Variants in TUSC3 observed in about 807,000 individuals in gnomAD.
TUSC3 encodes dolichyl-diphosphooligosaccharide--protein glycosyltransferase subunit TUSC3.
In TUSC3, 45 loss-of-function variants were observed where a neutral mutation model predicts 44.8. The ratio of observed to expected loss-of-function variants is 1.00; its 90% CI spans 0.79 to 1.29. The LOEUF (loss-of-function observed/expected upper bound fraction) is 1.29. Among genes scored for constraint, TUSC3 ranks in the 50% most tolerant of loss-of-function variants. The pLI is 0.00. For missense variants in TUSC3, 519 were observed against 437.9 expected (o/e 1.19, Z -1.65); for synonymous variants, 212 against 152.9 (o/e 1.39, Z -2.85).
chr8:15,636,873 G>T (rs35288255), intron 2 of TUSC3, among the ~76,000 whole-genome samples: 49,451 of 152,088 alleles, frequency 0.33, 8,817 homozygotes, highest in Non-Finnish European at 0.39. Context: ...GAAATTGAGT[G>T]TTTGTAGTCT....
intron 2 of TUSC3, among the ~76,000 whole-genome samples, chr8:15,513,022 G>T (rs1801163648): frequency 6.9e-6 from 1 of 145,496 alleles, no homozygotes; most frequent in African/African-American, 2.6e-5. Flanking sequence ...CAGATTGCAT[G>T]CTGCACGTTT....
At chr8:15,437,606 T>A (rs1585788735) in intron 1 of TUSC3, among the ~76,000 whole-genome samples, 1 of 152,220 alleles carries the variant, frequency 6.6e-6, no homozygotes, top group South Asian at 2.1e-4. Flanking sequence ...AATCATCTCC[T>A]ATTAAGATCT....
At chr8:15,656,028 C>T (rs775751823) in intron 3 of TUSC3, among the ~76,000 whole-genome samples, 15 of 152,104 alleles carry the variant, frequency 9.9e-5, no homozygotes, top group Non-Finnish European at 1.9e-4. Context: ...TGTTCTGCTA[C>T]AACAGAATAC....
At chr8:15,730,610 A>C (rs1380684475) in intron 6 of TUSC3, 56 bp from the exon 7 acceptor site, 2 of 1,562,546 alleles carry the variant, frequency 1.3e-6, no homozygotes, top group Non-Finnish European at 1.8e-6. Flanking sequence ...ACTTAAAACT[A>C]CAAAATAATT....
chr8:15,598,918 T>C (rs1804172188), intron 1 of TUSC3, among the ~76,000 whole-genome samples: 2 of 151,832 alleles, frequency 1.3e-5, no homozygotes, highest in Admixed American at 1.3e-4. Flanking sequence ...TACAGGTTTT[T>C]GTGTGGACCT....
At chr8:15,597,270 C>T (rs1563125591) in intron 1 of TUSC3, among the ~76,000 whole-genome samples, 1 of 151,992 alleles carries the variant, frequency 6.6e-6, no homozygotes, top group African/African-American at 2.4e-5. Flanking sequence ...ATTTTGAAGC[C>T]TGTGGCCCTT....
intron 1 of TUSC3, among the ~76,000 whole-genome samples, chr8:15,420,776 T>C (rs6981134): frequency 0.18 from 27,632 of 151,996 alleles, 2,723 homozygotes; most frequent in Middle Eastern, 0.27. Context: ...TCTTCAGTGA[T>C]GCACTTTCTT....
chr8:15,447,103 T>C (rs1283893866), intron 1 of TUSC3, among the ~76,000 whole-genome samples: 2 of 151,288 alleles, frequency 1.3e-5, no homozygotes, highest in Non-Finnish European at 2.9e-5. Flanking sequence ...GATGACAATA[T>C]AGGATGTTCA....
At chr8:15,427,617 G>C in intron 1 of TUSC3, among the ~76,000 whole-genome samples, 1 of 152,150 alleles carries the variant, frequency 6.6e-6, no homozygotes, top group East Asian at 1.9e-4. Flanking sequence ...TTTCATTCCC[G>C]CTGTAAAGAT....
In TUSC3 at chr8:15,733,997, TCA is replaced by T. The variant is rs764487957; in HGVS notation, c.862+3274_862+3275del. On this transcript the variant is annotated intron_variant, in intron 7 of 10. Coordinates refer to ENST00000503731, the MANE Select transcript of TUSC3 (RefSeq NM_006765.4). The stretch of plus-strand genomic sequence containing the variant: ...AGGTCAAGGCTGCAGTGAGCTGTGC[TCA>T]CACACTACACTTGAATCTGGGCGAT... 1.1e-3 allele frequency among the ~76,000 whole-genome samples: 167 copies of T among 152,286 alleles called. 1 individual carries two copies. The highest frequency in any genetic ancestry group is 1.8e-3 in the Non-Finnish European group (122 of 68,010).
intron 1 of TUSC3, among the ~76,000 whole-genome samples, chr8:15,446,274 C>G (rs1353199131): frequency 6.6e-6 from 1 of 151,930 alleles, no homozygotes; most frequent in African/African-American, 2.4e-5. Context: ...GCGCTCCTCA[C>G]TTCCCAGACT....
At position 15,621,898 on chromosome 8, in the gene TUSC3, T is replaced by C. The variant is rs116141073; in HGVS notation, c.139-1182T>C. On this transcript the variant is annotated intron_variant, in intron 1 of 10. Coordinates refer to ENST00000503731, the MANE Select transcript of TUSC3 (RefSeq NM_006765.4). ...ACTATGCTCTTTGGCCAGCTTACTTTCCTTCCCTTCCTCCCTTCCATTTCT... is the reference window on the plus strand; with the variant it reads ...ACTATGCTCTTTGGCCAGCTTACTTCCCTTCCCTTCCTCCCTTCCATTTCT... 4.2e-3 allele frequency among the ~76,000 whole-genome samples: 638 copies of C among 152,200 alleles called. 3 individuals carry two copies. The highest frequency in any genetic ancestry group is 0.015 in the African/African-American group (619 of 41,540).
At chr8:15,737,830 G>T (rs1811002418) in intron 7 of TUSC3, among the ~76,000 whole-genome samples, 1 of 152,112 alleles carries the variant, frequency 6.6e-6, no homozygotes, top group Non-Finnish European at 1.5e-5. Flanking sequence ...AACAGTGAGA[G>T]ATGATCATCT....
At chr8:15,552,364 T>A (rs972634544) in intron 1 of TUSC3, among the ~76,000 whole-genome samples, 4 of 151,688 alleles carry the variant, frequency 2.6e-5, no homozygotes, top group African/African-American at 7.2e-5. Context: ...GAGTGATGAA[T>A]AAGACAGCCA....
At chr8:15,811,619 A>C in the TUSC3 span, among the ~76,000 whole-genome samples, 1 of 152,232 alleles carries the variant, frequency 6.6e-6, no homozygotes, top group Non-Finnish European at 1.5e-5. Flanking sequence ...GCAAAGAATT[A>C]GTGAATGTGA....
intron 1 of TUSC3, among the ~76,000 whole-genome samples, chr8:15,439,170 A>C (rs547862122): frequency 4.3e-4 from 66 of 152,296 alleles, no homozygotes; most frequent in Admixed American, 1.4e-3. Context: ...ACCTATCACA[A>C]TTGCTTTCAC....
At chr8:15,466,343 G>GA (rs1328711413) in intron 1 of TUSC3, among the ~76,000 whole-genome samples, 2 of 152,062 alleles carry the variant, frequency 1.3e-5, no homozygotes, top group Non-Finnish European at 2.9e-5. Flanking sequence ...TTATTGCACA[G>GA]AACCTTAATA....
chr8:15,633,462 G>T (rs1342953411), intron 2 of TUSC3, among the ~76,000 whole-genome samples: 1 of 152,156 alleles, frequency 6.6e-6, no homozygotes, highest in Non-Finnish European at 1.5e-5. Context: ...CCCCCAGGTA[G>T]CCCAGACTGT....
intron 2 of TUSC3, among the ~76,000 whole-genome samples, chr8:15,520,725 A>G (rs1368387440): frequency 6.6e-6 from 1 of 152,122 alleles, no homozygotes; most frequent in African/African-American, 2.4e-5. Flanking sequence ...TCCGTTCTCC[A>G]CCTTGTTATT....
Sources: gnomAD v4.1 joint callset for allele counts (sites outside exome capture counted in the v4.1 genomes callset) on GRCh38, gnomAD v4.1.1 for gene constraint, MANE v1.5 for transcripts, NCBI Gene and HGNC (gene_info 2026-07-23, HGNC 2026-07-21) for gene names.